The following ZNF678 variants were observed in gnomAD, a reference collection of about 807,000 sequenced individuals.
ZNF678 encodes the protein hypothetical protein MGC42493.
In ZNF678, 5 loss-of-function variants were observed where a neutral mutation model predicts 3.0. That is an observed-to-expected ratio of 1.69 (90% confidence interval 0.88 to 3.56). ZNF678 has a LOEUF of 3.56. Among genes scored for constraint, ZNF678 ranks in the 30% most tolerant of loss-of-function variants. ZNF678 has a pLI of 0.00. For missense variants in ZNF678, 593 were observed against 605.0 expected, an observed-to-expected ratio of 0.98 and a Z score of 0.21; for synonymous variants, 218 against 199.6, an observed-to-expected ratio of 1.09 and a Z score of -0.78.
In ZNF678 at chr1:227,654,656, C is replaced by T. The variant is rs17854208; in HGVS notation, c.406C>T (p.Arg136Ter). The T allele has an allele frequency of 2.2e-5, 35 of 1,612,390 alleles. No homozygotes were observed. Among genetic ancestry groups the T allele is most frequent in the African/African-American group, 6.7e-5 (5 of 74,710 alleles). The change falls in exon 4 of 4, where the codon CGA (arginine) becomes TGA (stop). Residue 136 changes from arginine (R) to a stop codon, truncating the protein, a stop_gained. Transcript: ENST00000343776. LOFTEE classifies it low-confidence loss of function (END_TRUNC). ...KCEECGKVFN[R>*]CSNLTKHKRI... ...TGAAGAATGTGGCAAAGTTTTCAAT[C>T]GATGTTCAAACCTAACAAAACATAA...
At chr1:227,566,917 G>A (rs1001354804) in intron 1 of ZNF678, among the ~76,000 whole-genome samples, 2 of 152,100 alleles carry the variant, frequency 1.3e-5, no homozygotes, top group Admixed American at 1.3e-4. Context: ...ATTCTATCGG[G>A]GAGAAAAATA....
intron 1 of ZNF678, among the ~76,000 whole-genome samples, chr1:227,591,243 T>C (rs1226044630): frequency 6.6e-6 from 1 of 151,862 alleles, no homozygotes; most frequent in Non-Finnish European, 1.5e-5. Flanking sequence ...TATCAATTTT[T>C]AGGGTTACAC....
intron 1 of ZNF678, among the ~76,000 whole-genome samples, chr1:227,627,998 A>G (rs566673093): frequency 1.3e-5 from 2 of 152,350 alleles, no homozygotes; most frequent in South Asian, 4.1e-4. Flanking sequence ...GCACAAGTGC[A>G]CAGTGGCAGC....
intron 5 of ZNF678, among the ~76,000 whole-genome samples, chr1:227,672,796 C>G (rs1659622936): frequency 1.3e-5 from 2 of 152,062 alleles, no homozygotes. Flanking sequence ...AATTATTGTC[C>G]CCTTTCTGAG....
intron 1 of ZNF678, among the ~76,000 whole-genome samples, chr1:227,600,695 A>G (rs1657716549): frequency 1.3e-5 from 2 of 152,178 alleles, no homozygotes; most frequent in South Asian, 4.1e-4. Context: ...CGTTTGTCAG[A>G]TACATAGTTT....
chr1:227,635,515 TTG>T (rs56135481), intron 1 of ZNF678, among the ~76,000 whole-genome samples: 11,872 of 127,724 alleles, frequency 0.093, 474 homozygotes, highest in South Asian at 0.13. Flanking sequence ...GGGTGAACAT[TTG>T]TGTGTGTGTG....
chr1:227,607,417 T>C (rs1045864666), intron 1 of ZNF678, among the ~76,000 whole-genome samples: 5 of 152,164 alleles, frequency 3.3e-5, no homozygotes, highest in Admixed American at 2.6e-4. Flanking sequence ...TAAAATAAAC[T>C]AGAAGATTAT....
At chr1:227,640,594 A>G (rs1658795255) in intron 1 of ZNF678, among the ~76,000 whole-genome samples, 1 of 152,192 alleles carries the variant, frequency 6.6e-6, no homozygotes, top group South Asian at 2.1e-4. Context: ...CCAGTTGTCG[A>G]CAATAATTGC....
intron 1 of ZNF678, among the ~76,000 whole-genome samples, chr1:227,625,331 G>A (rs563499728): frequency 3.9e-5 from 6 of 152,170 alleles, no homozygotes; most frequent in African/African-American, 1.4e-4. Context: ...GCCGACGATC[G>A]CTCTAACTGC....
At chr1:227,611,809 C>T (rs967160945) in intron 1 of ZNF678, among the ~76,000 whole-genome samples, 5 of 152,152 alleles carry the variant, frequency 3.3e-5, no homozygotes, top group Admixed American at 6.5e-5. Flanking sequence ...GAGACCAAGA[C>T]ACTGACAGGA....
chr1:227,644,930 T>C (rs1658917802), intron 1 of ZNF678, among the ~76,000 whole-genome samples: 1 of 152,208 alleles, frequency 6.6e-6, no homozygotes, highest in African/African-American at 2.4e-5. Flanking sequence ...GATACATTTG[T>C]GAGAGTTGAG....
intron 1 of ZNF678, among the ~76,000 whole-genome samples, chr1:227,566,177 C>T (rs924453108): frequency 6.6e-6 from 1 of 152,160 alleles, no homozygotes; most frequent in Non-Finnish European, 1.5e-5. Flanking sequence ...GGGTTTTTTC[C>T]TCCCAGAGGA....
chr1:227,624,879 G>A (rs1241296856), intron 1 of ZNF678, among the ~76,000 whole-genome samples: 1 of 152,198 alleles, frequency 6.6e-6, no homozygotes, highest in Non-Finnish European at 1.5e-5. Flanking sequence ...TGGCACAGCA[G>A]CGATCAGCAG....
At chr1:227,623,264 C>T (rs1017279163) in intron 1 of ZNF678, among the ~76,000 whole-genome samples, 1 of 152,230 alleles carries the variant, frequency 6.6e-6, no homozygotes, top group Non-Finnish European at 1.5e-5. Context: ...TGAATAATAG[C>T]ACTGTCTATG....
intron 1 of ZNF678, among the ~76,000 whole-genome samples, chr1:227,605,077 G>A (rs1657831134): frequency 1.3e-5 from 2 of 152,028 alleles, no homozygotes; most frequent in Admixed American, 6.5e-5. Flanking sequence ...GGATGGTTTC[G>A]AGCTCCTGAC....
intron 3 of ZNF678, among the ~76,000 whole-genome samples, chr1:227,652,145 T>G (rs10799437): frequency 0.22 from 33,078 of 152,140 alleles, 4,011 homozygotes; most frequent in African/African-American, 0.32. Flanking sequence ...TCCCAATAAA[T>G]GAACACTTTT....
chr1:227,582,923 A>G lies in ZNF678; in HGVS notation c.-164+19199A>G, dbSNP rs149373714. 2.8e-4 allele frequency among the ~76,000 whole-genome samples: 43 copies of G among 152,300 alleles called. No homozygotes were observed. In the East Asian group the frequency reaches 8.3e-3, roughly 29 times the overall value. ...TAAAAGTAGTTCTTAAAAGGATTAT[A>G]TTTTAGTTGAAGGTTAATTGGCAAT... is the stretch of plus-strand genomic sequence containing the variant. On this transcript the variant is annotated intron_variant, in intron 1 of 3. Coordinates refer to ENST00000343776, the MANE Select transcript of ZNF678 (RefSeq NM_001367909.1).
intron 1 of ZNF678, among the ~76,000 whole-genome samples, chr1:227,569,519 T>G (rs1448954330): frequency 6.6e-6 from 1 of 152,240 alleles, no homozygotes; most frequent in African/African-American, 2.4e-5. Flanking sequence ...AGAATAGATC[T>G]TTCACCACAT....
At chr1:227,610,107 A>G (rs926126607) in intron 1 of ZNF678, among the ~76,000 whole-genome samples, 4 of 152,148 alleles carry the variant, frequency 2.6e-5, no homozygotes, top group Non-Finnish European at 4.4e-5. Context: ...GAGTGTTCTA[A>G]TAAGTATGAG....
Sources: allele counts gnomAD v4.1 joint callset (sites outside exome capture counted in the v4.1 genomes callset), GRCh38; gene constraint gnomAD v4.1.1; transcripts MANE v1.5; gene names NCBI Gene and HGNC (gene_info 2026-07-23, HGNC 2026-07-21).